The following UBE2J2 variants were observed in gnomAD, a reference collection of about 807,000 sequenced individuals.
UBE2J2 encodes ubiquitin-conjugating enzyme E2 J2.
A neutral mutation model predicts 28.6 loss-of-function variants in UBE2J2; 5 were observed. That is an observed-to-expected ratio of 0.17 (90% CI 0.09 to 0.37). The LOEUF (loss-of-function observed/expected upper bound fraction) is 0.37, where lower values mean the gene tolerates loss of function less well. UBE2J2 is among the 10% of genes least tolerant of loss of function. UBE2J2 has a pLI of 1.00. For missense variants in UBE2J2, 226 were observed against 338.9 expected, an observed-to-expected ratio of 0.67 and a Z score of 2.62; for synonymous variants, 138 against 139.7, an observed-to-expected ratio of 0.99 and a Z score of 0.09.
Position 1,259,768 on chromosome 1 carries a change from G to C in UBE2J2, c.173-2458C>G, listed in dbSNP as rs539855024. On this transcript the variant is annotated intron_variant, in intron 3 of 6. Transcript: ENST00000349431. ...ATGGACTGTGCAGCCACACCACGGA[G>C]TCCCCCACAGTCACAGCGTGGCCCC... 1.8e-3 allele frequency among the ~76,000 whole-genome samples: 276 copies of C among 152,252 alleles called. 2 individuals carry two copies. The highest frequency in any genetic ancestry group is 3.7e-3 in the Admixed American group (57 of 15,310).
chr1:1,262,258 C>A (rs1639608728), intron 3 of UBE2J2: 5 of 451,550 alleles, frequency 1.1e-5, no homozygotes, highest in South Asian at 7.8e-5. Flanking sequence ...TGCTCCCGGG[C>A]CTTATCTCAC....
At chr1:1,271,997 A>ATAAATAAAT in intron 1 of UBE2J2, among the ~76,000 whole-genome samples, 1 of 148,082 alleles carries the variant, frequency 6.8e-6, no homozygotes. Flanking sequence ...AAAAAAAAAA[A>ATAAATAAAT]AAAAAAATTA....
chr1:1,269,269 G>A (rs1308619906), intron 1 of UBE2J2, among the ~76,000 whole-genome samples: 1 of 143,696 alleles, frequency 7.0e-6, no homozygotes, highest in Non-Finnish European at 1.5e-5. Context: ...ATGCAAGAGA[G>A]GAGGCTGGAT....
intron 1 of UBE2J2, among the ~76,000 whole-genome samples, chr1:1,272,369 G>A (rs917731642): frequency 1.1e-4 from 17 of 152,320 alleles, no homozygotes; most frequent in Non-Finnish European, 2.2e-4. Flanking sequence ...GGGCAGCTGT[G>A]CCCAGGTGCT....
chr1:1,261,325 G>A (rs1639547718), intron 3 of UBE2J2, among the ~76,000 whole-genome samples: 1 of 152,186 alleles, frequency 6.6e-6, no homozygotes, highest in Non-Finnish European at 1.5e-5. Context: ...TGAGACCCAG[G>A]ACCAGCACAG....
At chr1:1,265,912 C>A (rs1371235497) in intron 2 of UBE2J2, among the ~76,000 whole-genome samples, 1 of 152,108 alleles carries the variant, frequency 6.6e-6, no homozygotes, top group Non-Finnish European at 1.5e-5. Context: ...GGATTACAGG[C>A]ATGAGCCACT....
Position 1,263,356 on chromosome 1 carries a change from G to C in UBE2J2, c.162C>G (p.Thr54=). ...GCACAGAATCCTTACCTTCATAAGG[G>C]GTCATCTCTGGGCCTCGGACGACAT... ...WHYVVRGPEM[T]PYEGGYYHGK... is the part of the protein sequence containing the mutation. The change falls in exon 3 of 7, where the codon ACC becomes ACG. Residue 54 remains threonine, a synonymous_variant. Coordinates refer to ENST00000349431, the MANE Select transcript of UBE2J2 (RefSeq NM_058167.3). The C allele has an allele frequency of 6.2e-7, 1 of 1,613,418 alleles. No homozygotes were observed. Among genetic ancestry groups the C allele is most frequent in the Non-Finnish European group, 8.5e-7 (1 of 1,179,476 alleles).
At chr1:1,272,001 A>AAAAAAAAAAAAAAAAT in intron 1 of UBE2J2, among the ~76,000 whole-genome samples, 1 of 147,178 alleles carries the variant, frequency 6.8e-6, no homozygotes, top group East Asian at 2.0e-4. Context: ...AAAAAAAAAA[A>AAAAAAAAAAAAAAAAT]AAATTAGCCG....
intron 3 of UBE2J2, among the ~76,000 whole-genome samples, chr1:1,258,020 C>T (rs763033717): frequency 2.9e-4 from 44 of 151,832 alleles, no homozygotes; most frequent in Non-Finnish European, 6.0e-4. Context: ...GTCACCCACA[C>T]GTTCCCACTT....
intron 5 of UBE2J2, 104 bp downstream of exon 5, chr1:1,256,888 G>GAAAA (rs57305655): frequency 9.2e-4 from 472 of 512,998 alleles, no homozygotes; most frequent in South Asian, 1.7e-3. Context: ...TCCGTCTCAA[G>GAAAA]AAAAAAAAAA....
At chr1:1,266,797 A>G (rs1639894492) in intron 2 of UBE2J2, among the ~76,000 whole-genome samples, 1 of 152,212 alleles carries the variant, frequency 6.6e-6, no homozygotes, top group African/African-American at 2.4e-5. Flanking sequence ...ACTGCACTCC[A>G]GTCTGGGTGA....
chr1:1,261,834 G>A (rs1021951322), intron 3 of UBE2J2, among the ~76,000 whole-genome samples: 1 of 150,312 alleles, frequency 6.7e-6, no homozygotes, highest in Admixed American at 6.6e-5. Context: ...TTTTTTAGTA[G>A]AGACAAGGTT....
chr1:1,257,938 C>T (rs1639306194), intron 3 of UBE2J2, among the ~76,000 whole-genome samples: 1 of 152,174 alleles, frequency 6.6e-6, no homozygotes, highest in Admixed American at 6.5e-5. Flanking sequence ...TCCTCCCCTC[C>T]CAAGCTCTCA....
chr1:1,273,383 C>A (rs971591620), intron 1 of UBE2J2: 1 of 152,198 alleles, frequency 6.6e-6, no homozygotes, highest in Non-Finnish European at 1.5e-5. Flanking sequence ...GAACCAGGAT[C>A]GAGGCTGCCC....
chr1:1,257,313 A>T lies in UBE2J2; in HGVS notation c.173-3T>A, dbSNP rs2101034171. 3 of 1,596,806 alleles carry T rather than the reference A, an allele frequency of 1.9e-6. No homozygotes were observed. Among genetic ancestry groups the T allele is most frequent in the African/African-American group, 2.7e-5 (2 of 74,004 alleles). On this transcript the variant is annotated splice_polypyrimidine_tract_variant and splice_region_variant and intron_variant, in intron 3 of 6. Coordinates refer to ENST00000349431, the MANE Select transcript of UBE2J2 (RefSeq NM_058167.3). ...TAGTTTTCCATGATAATAGCCACCT[A>T]CATGGAAACAAAACAGAAAGGGCCT...
At position 1,257,094 on chromosome 1, in the gene UBE2J2, C is replaced by T. The variant is rs759104721; in HGVS notation, c.312G>A (p.Thr104=). ...TGGAGACAGACCAGGCCGGGTTCCA[C>T]GTGTCCGGGTGGAAATCCGTGATAG... is the stretch of plus-strand genomic sequence containing the variant. ...CLSITDFHPD[T]WNPAWSVSTI... Residue 104 remains threonine (T), a synonymous_variant, in exon 5 of 7, where the codon ACG becomes ACA. Coordinates refer to ENST00000349431, the MANE Select transcript of UBE2J2 (RefSeq NM_058167.3). 27 of 1,612,836 alleles carry T rather than the reference C, an allele frequency of 1.7e-5. No homozygotes were observed. In the East Asian group the frequency reaches 4.0e-4, roughly 24 times the overall value.
intron 6 of UBE2J2, 37 bp downstream of exon 6, chr1:1,256,008 C>G (rs372925957): frequency 2.8e-6 from 4 of 1,413,004 alleles, no homozygotes; most frequent in Non-Finnish European, 3.0e-6. Context: ...AGTGTTTTAA[C>G]GCAGGGGAAG....
chr1:1,263,517 T>G, intron 2 of UBE2J2, 131 bp from the exon 3 acceptor site: 1 of 821,014 alleles, frequency 1.2e-6, no homozygotes, highest in South Asian at 1.4e-5. Context: ...CAAATGAAGG[T>G]GAAATGTCAC....
At chr1:1,265,644 T>G (rs1639815797) in intron 2 of UBE2J2, among the ~76,000 whole-genome samples, 1 of 148,938 alleles carries the variant, frequency 6.7e-6, no homozygotes, top group South Asian at 2.1e-4. Context: ...TGTGTGTGTG[T>G]GTGTGGTGGA....
Sources: gnomAD v4.1 joint callset for allele counts (sites outside exome capture counted in the v4.1 genomes callset) on GRCh38, gnomAD v4.1.1 for gene constraint, MANE v1.5 for transcripts, NCBI Gene and HGNC (gene_info 2026-07-23, HGNC 2026-07-21) for gene names.